Variants in ESRRG observed in about 807,000 individuals in gnomAD.
ESRRG encodes estrogen-related receptor gamma.
In ESRRG, 13 loss-of-function variants were observed where a neutral mutation model predicts 44.0. The ratio of observed to expected loss-of-function variants is 0.30; its 90% CI spans 0.19 to 0.47. ESRRG has a LOEUF of 0.47. Ranked by LOEUF, ESRRG falls within the 20% of genes least tolerant of loss-of-function variation. ESRRG has a pLI of 1.00. For synonymous variants in ESRRG, 215 were observed against 214.6 expected (o/e 1.00, Z -0.02); for missense variants, 395 against 580.6 (o/e 0.68, Z 3.29).
At chr1:216,796,276 C>T (rs1048207217) in intron 2 of ESRRG, among the ~76,000 whole-genome samples, 1 of 152,312 alleles carries the variant, frequency 6.6e-6, no homozygotes, top group East Asian at 1.9e-4. Flanking sequence ...CACTTCCCCA[C>T]TGGGCTCCCA....
At chr1:216,914,095 C>T (rs1347265301) in intron 2 of ESRRG, among the ~76,000 whole-genome samples, 1 of 151,422 alleles carries the variant, frequency 6.6e-6, no homozygotes, top group Non-Finnish European at 1.5e-5. Flanking sequence ...TATTAGCTCC[C>T]CCTCCCCCCA....
intron 2 of ESRRG, among the ~76,000 whole-genome samples, chr1:216,852,258 A>G (rs1211891088): frequency 1.3e-5 from 2 of 151,976 alleles, no homozygotes; most frequent in South Asian, 2.1e-4. Context: ...CAGTACTGAT[A>G]TATGCTGGGT....
chr1:217,056,249 A>C (rs1214423248), intron 1 of ESRRG, among the ~76,000 whole-genome samples: 1 of 152,108 alleles, frequency 6.6e-6, no homozygotes, highest in Non-Finnish European at 1.5e-5. Context: ...GAAATACTTT[A>C]AGACACCAAA....
intron 1 of ESRRG, among the ~76,000 whole-genome samples, chr1:216,972,840 G>T (rs942185146): frequency 6.6e-6 from 1 of 152,192 alleles, no homozygotes; most frequent in Non-Finnish European, 1.5e-5. Context: ...CAGTGCAGGT[G>T]CGTGTAAAAG....
intron 2 of ESRRG, among the ~76,000 whole-genome samples, chr1:216,915,880 G>A (rs1420369117): frequency 1.3e-5 from 2 of 150,390 alleles, no homozygotes; most frequent in African/African-American, 4.8e-5. Flanking sequence ...AACAGCCAGT[G>A]ATAGTACCCT....
rs1266970040 is a variant in ESRRG at position 216,931,996 on chromosome 1, G to A, written c.-14+7586C>T. On this transcript the variant is annotated intron_variant, in intron 2 of 7. Coordinates refer to the ESRRG transcript ENST00000359162. Reference sequence around the variant, plus strand: ...CGAGGCAGGCAGATCATGAGGTCAGGAGTTCAAGACCAGCCTGGCCAACAT... The same window carrying A: ...CGAGGCAGGCAGATCATGAGGTCAGAAGTTCAAGACCAGCCTGGCCAACAT... 2.6e-5 allele frequency among the ~76,000 whole-genome samples: 4 copies of A among 152,154 alleles called. No homozygotes were observed. The East Asian group carries it at 7.7e-4, about 29-fold the overall frequency.
chr1:216,791,552 A>G (rs2094320896), intron 2 of ESRRG, among the ~76,000 whole-genome samples: 1 of 152,150 alleles, frequency 6.6e-6, no homozygotes, highest in South Asian at 2.1e-4. Context: ...CTTGGAAATC[A>G]TCACTTTAAT....
intron 2 of ESRRG, among the ~76,000 whole-genome samples, chr1:216,665,696 C>A (rs1286951438): frequency 6.6e-6 from 1 of 152,078 alleles, no homozygotes; most frequent in Non-Finnish European, 1.5e-5. Flanking sequence ...TTTTATGTTT[C>A]TTACCACATT....
At chr1:217,041,990 A>G (rs536778256) in intron 1 of ESRRG, among the ~76,000 whole-genome samples, 1 of 152,284 alleles carries the variant, frequency 6.6e-6, no homozygotes, top group South Asian at 2.1e-4. Flanking sequence ...CATGAGTACC[A>G]TGTGAGGGCT....
chr1:216,537,536 T>G (rs543798938), intron 5 of ESRRG, among the ~76,000 whole-genome samples: 2 of 151,870 alleles, frequency 1.3e-5, no homozygotes, highest in East Asian at 2.0e-4. Flanking sequence ...TGGAGAGGAG[T>G]AGCAGGAGAT....
chr1:216,681,564 T>A (rs1029500410), intron 1 of ESRRG, among the ~76,000 whole-genome samples: 3 of 152,078 alleles, frequency 2.0e-5, no homozygotes, highest in Non-Finnish European at 4.4e-5. Flanking sequence ...TTCAAAACAG[T>A]TTGAGATACA....
At chr1:216,771,252 A>G (rs2093366380) in intron 2 of ESRRG, among the ~76,000 whole-genome samples, 4 of 152,134 alleles carry the variant, frequency 2.6e-5, no homozygotes, top group Admixed American at 2.6e-4. Flanking sequence ...TGCTTTTTAT[A>G]TTAGTTTTAT....
intron 1 of ESRRG, among the ~76,000 whole-genome samples, chr1:217,050,192 G>A (rs1378837028): frequency 1.3e-5 from 2 of 152,132 alleles, no homozygotes; most frequent in African/African-American, 4.8e-5. Flanking sequence ...CAAGATATTT[G>A]AGCTGGGGGG....
chr1:216,877,334 T>C (rs559870875), intron 2 of ESRRG, among the ~76,000 whole-genome samples: 198 of 152,192 alleles, frequency 1.3e-3, no homozygotes, highest in African/African-American at 4.5e-3. Flanking sequence ...TTCATACGTG[T>C]TAGGTATTCT....
chr1:216,719,578 G>GC (rs1297802874), intron 1 of ESRRG, among the ~76,000 whole-genome samples: 22 of 151,596 alleles, frequency 1.5e-4, no homozygotes, highest in African/African-American at 5.3e-4. Context: ...GCTTCTATTA[G>GC]CATTTTTAAA....
intron 2 of ESRRG, among the ~76,000 whole-genome samples, chr1:216,733,620 G>A (rs113648344): frequency 3.7e-4 from 56 of 152,158 alleles, no homozygotes; most frequent in Middle Eastern, 3.4e-3. Flanking sequence ...CAAAAAAAGC[G>A]GTGGGTTCCT....
intron 2 of ESRRG, among the ~76,000 whole-genome samples, chr1:216,733,702 ACT>A (rs1213810780): frequency 3.3e-5 from 5 of 151,970 alleles, no homozygotes; most frequent in Non-Finnish European, 5.9e-5. Context: ...TAGATAAAAC[ACT>A]CTCAGTCTGG....
chr1:217,078,389 C>A (rs1458588457), intron 1 of ESRRG: 3 of 152,222 alleles, frequency 2.0e-5, no homozygotes, highest in African/African-American at 7.2e-5. Context: ...TCTGTATTTG[C>A]AGCCCTGCAG....
intron 2 of ESRRG, among the ~76,000 whole-genome samples, chr1:216,843,522 C>T (rs1015602633): frequency 9.9e-5 from 15 of 152,222 alleles, no homozygotes; most frequent in African/African-American, 3.4e-4. Flanking sequence ...AAATCTCTCA[C>T]AAAAAGAGCT....
Sources: allele counts gnomAD v4.1 joint callset (sites outside exome capture counted in the v4.1 genomes callset), GRCh38; gene constraint gnomAD v4.1.1; transcripts MANE v1.5; gene names NCBI Gene and HGNC (gene_info 2026-07-23, HGNC 2026-07-21).